The following CYREN variants were observed in gnomAD, a reference collection of about 807,000 sequenced individuals.
The protein encoded by CYREN is cell cycle regulator of non-homologous end joining.
In CYREN, 7 loss-of-function variants were observed where a neutral mutation model predicts 9.7. The ratio of observed to expected loss-of-function variants is 0.72; its 90% CI spans 0.41 to 1.36. CYREN has a LOEUF of 1.36. CYREN is among the 40% of genes most tolerant of loss of function. The pLI, the probability that CYREN is intolerant of heterozygous loss-of-function variation, is 0.01. For synonymous variants in CYREN, 76 were observed against 77.9 expected, an observed-to-expected ratio of 0.98 and a Z score of 0.13; for missense variants, 215 against 198.1, an observed-to-expected ratio of 1.09 and a Z score of -0.51.
At chr7:135,168,187 A>G (rs774797055) in intron 2 of CYREN, 14 of 235,120 alleles carry the variant, frequency 6.0e-5, no homozygotes, top group Non-Finnish European at 1.2e-4. Flanking sequence ...AGCAGTCACA[A>G]GGGAAGGCTG....
intron 1 of CYREN, chr7:135,170,282 C>T (rs1490480928): frequency 6.6e-6 from 1 of 152,350 alleles, no homozygotes; most frequent in Non-Finnish European, 1.5e-5. Flanking sequence ...CGACCTCAGT[C>T]CCATCCCAGC....
intron 1 of CYREN, 30 bp from the exon 2 acceptor site, chr7:135,169,090 C>T: frequency 5.9e-6 from 4 of 676,022 alleles, no homozygotes; most frequent in Non-Finnish European, 7.2e-6. Flanking sequence ...CCGGTGAATT[C>T]CCATACCTCC....
At chr7:135,096,240 A>T (rs987441082) in intron 2 of CYREN, among the ~76,000 whole-genome samples, 1 of 152,116 alleles carries the variant, frequency 6.6e-6, no homozygotes, top group South Asian at 2.1e-4. Flanking sequence ...AGTGTTGTGT[A>T]TATTGGGATC....
intron 3 of CYREN, 141 bp downstream of exon 3, chr7:135,167,591 G>C (rs531965387): frequency 6.8e-7 from 1 of 1,467,826 alleles, no homozygotes; most frequent in Non-Finnish European, 9.0e-7. Context: ...CAGCATGGCC[G>C]AGATAAGAGC....
At chr7:135,153,512 G>A (rs1171006744) in intron 2 of CYREN, among the ~76,000 whole-genome samples, 2 of 150,840 alleles carry the variant, frequency 1.3e-5, no homozygotes, top group Non-Finnish European at 2.9e-5. Context: ...TGTCGTCAAG[G>A]ATGTGGAGAA....
chr7:135,148,092 C>A (rs184613889), intron 2 of CYREN: 98 of 456,176 alleles, frequency 2.1e-4, no homozygotes, highest in African/African-American at 1.7e-3. Flanking sequence ...TTACTAGGCA[C>A]GACTGCGAAG....
rs1389787186 is a variant in CYREN at position 135,170,706 on chromosome 7, C to T, written c.-193G>A. The stretch of plus-strand genomic sequence containing the variant: ...GGCGCCCAAACTCTGCGGACCTCCA[C>T]TGGCCGCCCGCCTCTTCCGGCCCCG... On this transcript the variant is annotated 5_prime_UTR_variant, in exon 1 of 4. In the 5' UTR this introduces an upstream ATG that the reference lacks. Coordinates refer to ENST00000393114, the MANE Select transcript of CYREN (RefSeq NM_024033.4). 1.3e-5 allele frequency: 2 copies of T among 152,480 alleles called. No homozygotes were observed. Among genetic ancestry groups the T allele is most frequent in the Non-Finnish European group, 1.5e-5 (1 of 68,272 alleles). 9.4% of individuals were successfully genotyped at this position (152,480 alleles called of 1,614,324 possible).
chr7:135,114,056 A>G (rs1825989557), intron 2 of CYREN, among the ~76,000 whole-genome samples: 1 of 152,236 alleles, frequency 6.6e-6, no homozygotes, highest in African/African-American at 2.4e-5. Flanking sequence ...AGACTAAATA[A>G]TATTCCATTG....
chr7:135,110,069 T>G (rs1286992555), intron 2 of CYREN, among the ~76,000 whole-genome samples: 1 of 152,024 alleles, frequency 6.6e-6, no homozygotes, highest in African/African-American at 2.4e-5. Context: ...TGGCTAGGGC[T>G]GCAAAACAGC....
chr7:135,160,773 T>A (rs1422381245), intron 2 of CYREN, among the ~76,000 whole-genome samples: 1 of 151,014 alleles, frequency 6.6e-6, no homozygotes, highest in Admixed American at 6.6e-5. Flanking sequence ...CTACTGTGTA[T>A]CAAAATAACA....
rs532367753 is a variant in CYREN at position 135,166,653 on chromosome 7, T to TTCCTCC, written c.426_431dup (p.Glu144_Glu145dup). On this transcript the variant is annotated inframe_insertion, in exon 4 of 4. Transcript: ENST00000393114. ...CCCGGACGTATTTCAGCACATCCTCTTCCTCCTCCTCCTCAGGGCTCCTGC... is the reference window on the plus strand; with the variant it reads ...CCCGGACGTATTTCAGCACATCCTCTTCCTCCTCCTCCTCCTCCTCAGGGCTCCTGC... The TTCCTCC allele has an allele frequency of 6.2e-7, 1 of 1,606,546 alleles. No homozygotes were observed. Among genetic ancestry groups the TTCCTCC allele is most frequent in the African/African-American group, 1.3e-5 (1 of 74,996 alleles).
At chr7:135,104,814 T>C (rs904728614) in intron 2 of CYREN, among the ~76,000 whole-genome samples, 4 of 152,004 alleles carry the variant, frequency 2.6e-5, no homozygotes, top group African/African-American at 9.7e-5. Context: ...AAGTTCTTTA[T>C]AGATGCTGGA....
At chr7:135,159,424 C>T (rs1471619262) in intron 2 of CYREN, among the ~76,000 whole-genome samples, 1 of 152,200 alleles carries the variant, frequency 6.6e-6, no homozygotes, top group East Asian at 1.9e-4. Flanking sequence ...GGTGCTTAAA[C>T]CAACAAAAAA....
chr7:135,114,455 A>G (rs1826041904), intron 2 of CYREN, among the ~76,000 whole-genome samples: 1 of 152,200 alleles, frequency 6.6e-6, no homozygotes, highest in East Asian at 1.9e-4. Flanking sequence ...CTCCATTAAC[A>G]AAACAATAAT....
chr7:135,121,513 A>G (rs771769235), intron 2 of CYREN, among the ~76,000 whole-genome samples: 4 of 151,986 alleles, frequency 2.6e-5, no homozygotes, highest in Admixed American at 6.6e-5. Context: ...TCTGACCACA[A>G]TGGAATCCAA....
intron 2 of CYREN, among the ~76,000 whole-genome samples, chr7:135,130,091 G>T (rs1262976895): frequency 6.6e-6 from 1 of 152,138 alleles, no homozygotes; most frequent in Non-Finnish European, 1.5e-5. Context: ...AGTTCCCTCA[G>T]TACTACTCCT....
At chr7:135,164,729 T>C (rs1245336785), downstream of CYREN, 1 of 1,614,190 alleles carries the variant, frequency 6.2e-7, no homozygotes, top group Non-Finnish European at 8.5e-7. Flanking sequence ...TCACCCTCTT[T>C]GCCCCCCAGC....
intron 2 of CYREN, among the ~76,000 whole-genome samples, chr7:135,159,313 A>G (rs185082723): frequency 1.4e-4 from 22 of 152,366 alleles, no homozygotes; most frequent in Admixed American, 1.1e-3. Flanking sequence ...TACTCTTTCA[A>G]TAAGAACCTG....
At chr7:135,147,309 CA>C (rs1215781522) in intron 2 of CYREN, among the ~76,000 whole-genome samples, 1 of 152,070 alleles carries the variant, frequency 6.6e-6, no homozygotes, top group Non-Finnish European at 1.5e-5. Flanking sequence ...GAACTAGGGG[CA>C]GGGGGAGGGC....
Sources: allele counts gnomAD v4.1 joint callset (sites outside exome capture counted in the v4.1 genomes callset), GRCh38; gene constraint gnomAD v4.1.1; transcripts MANE v1.5; gene names NCBI Gene and HGNC (gene_info 2026-07-23, HGNC 2026-07-21).